Variants in NEDD4L observed in about 807,000 individuals in gnomAD.
NEDD4L encodes the protein E3 ubiquitin-protein ligase NEDD4-like.
NEDD4L carries 54 observed loss-of-function variants against 148.9 expected under a neutral mutation model. The observed-to-expected ratio is 0.36, with a 90% CI of 0.29 to 0.45. The LOEUF (loss-of-function observed/expected upper bound fraction) is 0.45. Ranked by LOEUF, NEDD4L falls within the 20% of genes least tolerant of loss-of-function variation. The pLI is 1.00. For missense variants in NEDD4L, 856 were observed against 1,233.8 expected (o/e 0.69, Z 4.59); for synonymous variants, 433 against 440.7 (o/e 0.98, Z 0.22).
intron 1 of NEDD4L, among the ~76,000 whole-genome samples, chr18:58,149,893 G>A (rs1033684599): frequency 1.3e-5 from 2 of 152,102 alleles, no homozygotes; most frequent in African/African-American, 2.4e-5. Context: ...GGAAAAAATG[G>A]GTATCTGTGA....
At chr18:58,204,240 A>AT (rs1285452483) in intron 2 of NEDD4L, among the ~76,000 whole-genome samples, 1 of 152,074 alleles carries the variant, frequency 6.6e-6, no homozygotes, top group African/African-American at 2.4e-5. Flanking sequence ...AAGCAGGAGA[A>AT]TTGCTTGAAC....
intron 26 of NEDD4L, among the ~76,000 whole-genome samples, chr18:58,386,531 G>A (rs989074008): frequency 2.6e-5 from 4 of 152,232 alleles, no homozygotes; most frequent in African/African-American, 7.2e-5. Flanking sequence ...TGCCCAGATC[G>A]AACTTTTAAT....
At chr18:58,203,003 C>A (rs1050156692) in intron 2 of NEDD4L, among the ~76,000 whole-genome samples, 1 of 151,840 alleles carries the variant, frequency 6.6e-6, no homozygotes, top group Non-Finnish European at 1.5e-5. Flanking sequence ...GGTTTTACTT[C>A]GTCACCCAGG....
intron 1 of NEDD4L, among the ~76,000 whole-genome samples, chr18:58,050,360 C>T (rs557727473): frequency 6.6e-6 from 1 of 152,102 alleles, no homozygotes; most frequent in East Asian, 1.9e-4. Flanking sequence ...ATCCCAGCTA[C>T]TCTGGAGGCT....
chr18:58,109,572 GT>G (rs869167759), intron 1 of NEDD4L, among the ~76,000 whole-genome samples: 324 of 117,634 alleles, frequency 2.8e-3, no homozygotes, highest in African/African-American at 8.9e-3. Context: ...TTTTTTTTTT[GT>G]TTTTTTTTTT....
At position 58,263,660 on chromosome 18, in the gene NEDD4L, CT is replaced by C. The variant is rs71173041; in HGVS notation, c.297+11624del. Among the ~76,000 whole-genome samples, 463 of 103,690 alleles carry C rather than the reference CT, an allele frequency of 4.5e-3. 4 individuals are homozygous for C. The highest frequency in any genetic ancestry group is 0.023 in the East Asian group (82 of 3,636). 68.0% of individuals were successfully genotyped at this position (103,690 alleles called of 152,430 possible). On this transcript the variant is annotated intron_variant, in intron 5 of 30. Transcript: ENST00000400345. ...GTGATAATAAATCCTACTTCTTAGG[CT>C]TTTTTTTTTTTTTTTTTCTCTCTCT... is the stretch of plus-strand genomic sequence containing the variant.
chr18:58,139,868 G>A (rs891309554), intron 1 of NEDD4L, among the ~76,000 whole-genome samples: 5 of 152,174 alleles, frequency 3.3e-5, no homozygotes, highest in Non-Finnish European at 5.9e-5. Context: ...GGAGAGAGGC[G>A]AGGATGATGA....
intron 19 of NEDD4L, among the ~76,000 whole-genome samples, chr18:58,362,502 G>A (rs2045612365): frequency 6.6e-6 from 1 of 152,226 alleles, no homozygotes; most frequent in South Asian, 2.1e-4. Context: ...CTACCCGAGA[G>A]TGCAGGCCTT....
rs1297648255 is a variant in NEDD4L at position 58,186,096 on chromosome 18, C to T, written c.122+20235C>T. Among the ~76,000 whole-genome samples, 5 of 140,584 alleles carry T rather than the reference C, an allele frequency of 3.6e-5. No homozygotes were observed. The East Asian group carries it at 5.8e-4, about 16-fold the overall frequency. 92.2% of individuals were successfully genotyped at this position (140,584 alleles called of 152,430 possible). A position where few individuals can be genotyped will look rare whatever the true frequency, so the allele number is the denominator to read the frequency against. ...ATGCACACGCACACAGAGAAGGATA[C>T]GTATGCACACGGGAACAGAGAAGGA... On this transcript the variant is annotated intron_variant, in intron 2 of 30. Coordinates refer to ENST00000400345, the MANE Select transcript of NEDD4L (RefSeq NM_001144967.3).
At chr18:58,173,191 C>G (rs1417438946) in intron 2 of NEDD4L, among the ~76,000 whole-genome samples, 1 of 152,194 alleles carries the variant, frequency 6.6e-6, no homozygotes, top group African/African-American at 2.4e-5. Flanking sequence ...TTCAATGCAA[C>G]TTTTTAAACC....
At chr18:58,215,994 T>G (rs2043123288) in intron 2 of NEDD4L, among the ~76,000 whole-genome samples, 1 of 152,164 alleles carries the variant, frequency 6.6e-6, no homozygotes, top group African/African-American at 2.4e-5. Flanking sequence ...TTTTTTTTTT[T>G]TTAGTCAGAT....
chr18:58,310,476 C>CT (rs2057557278), intron 5 of NEDD4L, among the ~76,000 whole-genome samples: 1 of 152,186 alleles, frequency 6.6e-6, no homozygotes, highest in African/African-American at 2.4e-5. Flanking sequence ...TGTCATCACA[C>CT]TTTTTTCTTT....
At chr18:58,064,718 G>A (rs377186041) in intron 1 of NEDD4L, among the ~76,000 whole-genome samples, 1 of 152,196 alleles carries the variant, frequency 6.6e-6, no homozygotes, top group South Asian at 2.1e-4. Context: ...TTTACATAAA[G>A]TGGTCATGTA....
chr18:58,281,973 C>T (rs996919682), intron 5 of NEDD4L, among the ~76,000 whole-genome samples: 3 of 150,320 alleles, frequency 2.0e-5, no homozygotes, highest in South Asian at 2.1e-4. Flanking sequence ...TGCAGTGAGC[C>T]GAGATCGCGC....
At chr18:58,076,537 G>A (rs1385129408) in intron 1 of NEDD4L, among the ~76,000 whole-genome samples, 1 of 152,150 alleles carries the variant, frequency 6.6e-6, no homozygotes, top group Non-Finnish European at 1.5e-5. Flanking sequence ...TGGGAAAAGG[G>A]CCAAAAGACT....
chr18:58,081,289 C>T (rs1568187674), intron 1 of NEDD4L, among the ~76,000 whole-genome samples: 3 of 145,846 alleles, frequency 2.1e-5, no homozygotes, highest in Non-Finnish European at 4.4e-5. Flanking sequence ...GATCTCGGCT[C>T]ACTGCAAGCT....
chr18:58,110,729 A>G (rs1159844054), intron 1 of NEDD4L, among the ~76,000 whole-genome samples: 1 of 152,154 alleles, frequency 6.6e-6, no homozygotes, highest in Non-Finnish European at 1.5e-5. Context: ...TTCCTGACTC[A>G]AGTTTTTGTG....
chr18:58,315,962 C>G lies in NEDD4L; in HGVS notation c.298-20C>G. On this transcript the variant is annotated intron_variant, in intron 5 of 30. Coordinates refer to ENST00000400345, the MANE Select transcript of NEDD4L (RefSeq NM_001144967.3). Reference sequence around the variant, plus strand: ...CAGTGAAGAAATGGAAACACTAACTCTTTGTTCTCTTCCTAACAGACACGA... The same window carrying G: ...CAGTGAAGAAATGGAAACACTAACTGTTTGTTCTCTTCCTAACAGACACGA... The G allele has an allele frequency of 6.2e-7, 1 of 1,606,444 alleles. No homozygotes were observed. Among genetic ancestry groups the G allele is most frequent in the Non-Finnish European group, 8.5e-7 (1 of 1,172,988 alleles).
intron 5 of NEDD4L, among the ~76,000 whole-genome samples, chr18:58,264,101 T>G (rs529052885): frequency 1.5e-4 from 23 of 152,244 alleles, no homozygotes; most frequent in Non-Finnish European, 8.8e-5. Context: ...TATTTTAATT[T>G]AGTTTGAATA....
Sources: allele counts gnomAD v4.1 joint callset (sites outside exome capture counted in the v4.1 genomes callset), GRCh38; gene constraint gnomAD v4.1.1; transcripts MANE v1.5; gene names NCBI Gene and HGNC (gene_info 2026-07-23, HGNC 2026-07-21).